ADAMTSL1: variants seen among roughly 807,000 people sequenced by gnomAD.
ADAMTSL1 encodes the protein ADAMTS-like protein 1.
Under a neutral mutation model 201.8 loss-of-function variants are expected in ADAMTSL1, and 126 were observed. The ratio of observed to expected loss-of-function variants is 0.62; its 90% CI spans 0.54 to 0.72. The LOEUF (loss-of-function observed/expected upper bound fraction) is 0.72. Ranked by LOEUF, ADAMTSL1 falls within the 30% of genes least tolerant of loss-of-function variation. The pLI, the probability that ADAMTSL1 is intolerant of heterozygous loss-of-function variation, is 0.00. For synonymous variants in ADAMTSL1, 1,121 were observed against 903.4 expected (o/e 1.24, Z -4.32); for missense variants, 2,679 against 2,277.8 (o/e 1.18, Z -3.59).
chr9:18,265,877 T>C (rs1832101064), intron 2 of ADAMTSL1, among the ~76,000 whole-genome samples: 1 of 152,214 alleles, frequency 6.6e-6, no homozygotes, highest in Non-Finnish European at 1.5e-5. Context: ...TGATGTTACC[T>C]AAATCATAAA....
chr9:18,367,807 G>A (rs1836840900), intron 2 of ADAMTSL1, among the ~76,000 whole-genome samples: 1 of 152,124 alleles, frequency 6.6e-6, no homozygotes, highest in African/African-American at 2.4e-5. Context: ...TTTGAATCCA[G>A]GCAACGGATG....
At chr9:18,703,701 CATATATATATATATATATATATAT>C (rs72258520) in intron 13 of ADAMTSL1, among the ~76,000 whole-genome samples, 11 of 78,812 alleles carry the variant, frequency 1.4e-4, no homozygotes, top group South Asian at 4.5e-4. Flanking sequence ...TGCGCACATA[CATATATATATATATATATATATAT>C]ATATATATAT....
chr9:18,639,244 G>T lies in ADAMTSL1; in HGVS notation c.677-10G>T. ...ATCTTTCTCTCATCTTCACGTGTTT[G>T]ATCATATAGATCTGGAAACCAAAAC... On this transcript the variant is annotated splice_polypyrimidine_tract_variant and intron_variant, in intron 6 of 28. Transcript: ENST00000380548. The T allele has an allele frequency of 6.2e-7, 1 of 1,612,168 alleles. No individual in the cohort carries two copies. Among genetic ancestry groups the T allele is most frequent in the South Asian group, 1.1e-5 (1 of 90,966 alleles).
intron 23 of ADAMTSL1, among the ~76,000 whole-genome samples, chr9:18,860,306 A>G (rs1011459474): frequency 6.6e-6 from 1 of 152,212 alleles, no homozygotes; most frequent in Non-Finnish European, 1.5e-5. Context: ...AACTCAAATG[A>G]TCTCATACCC....
At chr9:18,224,877 C>A (rs16936458) in intron 2 of ADAMTSL1, among the ~76,000 whole-genome samples, 32,078 of 151,948 alleles carry the variant, frequency 0.21, 3,568 homozygotes, top group Non-Finnish European at 0.26. Context: ...ACCTTCTGTC[C>A]TTTTGGTGTT....
intron 2 of ADAMTSL1, among the ~76,000 whole-genome samples, chr9:18,254,426 G>C (rs1831594820): frequency 1.7e-5 from 2 of 120,972 alleles, no homozygotes; most frequent in Non-Finnish European, 3.2e-5. Flanking sequence ...ACAGTGGCGC[G>C]ATCTCAGCTC....
At chr9:18,500,433 A>G (rs1488458054) in intron 1 of ADAMTSL1, among the ~76,000 whole-genome samples, 1 of 152,206 alleles carries the variant, frequency 6.6e-6, no homozygotes, top group African/African-American at 2.4e-5. Flanking sequence ...GCCAGGAACG[A>G]TGGATCAATG....
intron 1 of ADAMTSL1, among the ~76,000 whole-genome samples, chr9:18,085,921 G>T (rs188102669): frequency 6.6e-6 from 1 of 152,116 alleles, no homozygotes; most frequent in Non-Finnish European, 1.5e-5. Flanking sequence ...AGTGGCTCAG[G>T]CAAGGACAGT....
chr9:18,739,019 T>C (rs1481466358), intron 15 of ADAMTSL1, among the ~76,000 whole-genome samples: 2 of 152,172 alleles, frequency 1.3e-5, no homozygotes, highest in African/African-American at 2.4e-5. Flanking sequence ...CCTAGATCTC[T>C]TACAACTAGC....
intron 1 of ADAMTSL1, among the ~76,000 whole-genome samples, chr9:17,982,289 C>G (rs1001275399): frequency 6.6e-6 from 1 of 152,054 alleles, no homozygotes; most frequent in African/African-American, 2.4e-5. Flanking sequence ...GAGTTGTGGC[C>G]TTGTCAGATG....
At chr9:18,848,168 G>T (rs1826253173) in intron 23 of ADAMTSL1, among the ~76,000 whole-genome samples, 1 of 152,138 alleles carries the variant, frequency 6.6e-6, no homozygotes, top group Non-Finnish European at 1.5e-5. Context: ...CCTTCATCTA[G>T]TAAGAGGGGA....
intron 2 of ADAMTSL1, among the ~76,000 whole-genome samples, chr9:18,465,787 C>T (rs139754759): frequency 0.015 from 2,244 of 152,296 alleles, 51 homozygotes; most frequent in African/African-American, 0.051. Flanking sequence ...CTTGCCCTGT[C>T]GCCCAGGCTG....
intron 2 of ADAMTSL1, among the ~76,000 whole-genome samples, chr9:18,377,414 T>C (rs1222428310): frequency 6.6e-6 from 1 of 152,262 alleles, no homozygotes; most frequent in Non-Finnish European, 1.5e-5. Context: ...CTTAATTTTT[T>C]CAAGAGTGAC....
At chr9:18,087,823 T>G (rs78583356) in intron 1 of ADAMTSL1, among the ~76,000 whole-genome samples, 2,146 of 152,234 alleles carry the variant, frequency 0.014, 49 homozygotes, top group African/African-American at 0.049. Context: ...CTTTTGCAAT[T>G]AAAAGTTGCA....
At chr9:18,170,308 G>C (rs1827832704) in intron 2 of ADAMTSL1, among the ~76,000 whole-genome samples, 1 of 151,970 alleles carries the variant, frequency 6.6e-6, no homozygotes, top group Non-Finnish European at 1.5e-5. Flanking sequence ...GGGGAAGGCT[G>C]GATATGCACC....
chr9:18,097,799 A>G (rs1362716064), intron 1 of ADAMTSL1, among the ~76,000 whole-genome samples: 1 of 151,964 alleles, frequency 6.6e-6, no homozygotes, highest in Non-Finnish European at 1.5e-5. Context: ...AAGATTCTTT[A>G]CATATTCCAG....
intron 7 of ADAMTSL1, among the ~76,000 whole-genome samples, chr9:18,651,614 G>T (rs1178161505): frequency 6.6e-6 from 1 of 152,170 alleles, no homozygotes; most frequent in African/African-American, 2.4e-5. Context: ...ATTTTTAAAA[G>T]GTATTGCATA....
chr9:18,810,983 GCTGGCTA>G (rs1170733986), intron 20 of ADAMTSL1, among the ~76,000 whole-genome samples: 4 of 125,210 alleles, frequency 3.2e-5, no homozygotes, highest in Non-Finnish European at 6.3e-5. Context: ...AGTTCAAGAA[GCTGGCTA>G]CTGGTAAACA....
At chr9:18,439,515 C>G (rs10963608) in intron 2 of ADAMTSL1, among the ~76,000 whole-genome samples, 1 of 151,888 alleles carries the variant, frequency 6.6e-6, no homozygotes, top group Non-Finnish European at 1.5e-5. Context: ...TACAGGTGCG[C>G]GCCACCACAC....
Sources: allele counts gnomAD v4.1 joint callset (sites outside exome capture counted in the v4.1 genomes callset), GRCh38; gene constraint gnomAD v4.1.1; transcripts MANE v1.5; gene names NCBI Gene and HGNC (gene_info 2026-07-23, HGNC 2026-07-21).